GALNT13: variants seen among roughly 807,000 people sequenced by gnomAD.
GALNT13 encodes the protein UDP-GalNAc:polypeptide N-acetylgalactosaminyltransferase 13.
Under a neutral mutation model 64.2 loss-of-function variants are expected in GALNT13, and 28 were observed. The ratio of observed to expected loss-of-function variants is 0.44; its 90% CI spans 0.32 to 0.60. GALNT13 has a LOEUF of 0.60. Among genes scored for constraint, GALNT13 ranks in the 20% least tolerant of loss-of-function variants. The probability of loss-of-function intolerance (pLI) is 0.05; values close to 1 mark genes in which losing one functional copy is unlikely to be tolerated. For missense variants in GALNT13, 577 were observed against 669.8 expected (o/e 0.86, Z 1.53); for synonymous variants, 214 against 224.6 (o/e 0.95, Z 0.42).
chr2:153,279,709 C>T, the GALNT13 span, among the ~76,000 whole-genome samples: 7 of 152,024 alleles, frequency 4.6e-5, no homozygotes, highest in Non-Finnish European at 8.8e-5. Flanking sequence ...AGAATATAGC[C>T]TAGTTGCTCC....
rs867557383 is a variant in GALNT13, at chr2:154,046,941, T to A, written c.143-93396T>A. 9.4e-4 allele frequency among the ~76,000 whole-genome samples: 10 copies of A among 10,634 alleles called. No individual in the cohort carries two copies. In the South Asian group the frequency reaches 0.07, roughly 75 times the overall value. 7.0% of individuals were successfully genotyped at this position (10,634 alleles called of 152,430 possible). On this transcript the variant is annotated intron_variant, in intron 3 of 12. Transcript: ENST00000392825. ...TGTTTAGGCCACTTAGTCTGTGGGT[T>A]TTTTTTTTTATGTCTGTCATAGAAA...
the GALNT13 span, among the ~76,000 whole-genome samples, chr2:153,481,379 A>T: frequency 6.6e-6 from 1 of 152,164 alleles, no homozygotes. Flanking sequence ...GAACAATTTC[A>T]GTTTTTCTCC....
chr2:153,661,877 T>A, the GALNT13 span, among the ~76,000 whole-genome samples: 1 of 152,246 alleles, frequency 6.6e-6, no homozygotes, highest in Non-Finnish European at 1.5e-5. Context: ...AACATTTTCA[T>A]CATAAGCATG....
chr2:153,111,679 TAATTA>T, the GALNT13 span, among the ~76,000 whole-genome samples: 14,034 of 152,070 alleles, frequency 0.092, 727 homozygotes, highest in African/African-American at 0.12. Context: ...CATGAGTAAA[TAATTA>T]AATTACTCTC....
chr2:153,268,748 C>G, the GALNT13 span, among the ~76,000 whole-genome samples: 1 of 152,204 alleles, frequency 6.6e-6, no homozygotes, highest in Non-Finnish European at 1.5e-5. Context: ...TGGAAGTTCT[C>G]AAAGCTCAAC....
At chr2:154,142,297 C>A (rs147941851) in intron 4 of GALNT13, among the ~76,000 whole-genome samples, 2 of 151,854 alleles carry the variant, frequency 1.3e-5, no homozygotes, top group Non-Finnish European at 2.9e-5. Context: ...TGCCTGTAAT[C>A]CTAGCACTTT....
At chr2:153,076,526 G>A in the GALNT13 span, among the ~76,000 whole-genome samples, 1 of 152,042 alleles carries the variant, frequency 6.6e-6, no homozygotes, top group South Asian at 2.1e-4. Context: ...TCCCTCTTCA[G>A]TTGATAAGTT....
chr2:153,148,416 G>A, the GALNT13 span, among the ~76,000 whole-genome samples: 1 of 151,412 alleles, frequency 6.6e-6, no homozygotes, highest in Non-Finnish European at 1.5e-5. Context: ...TCTTTGTAGT[G>A]TGAATCAAAT....
At chr2:153,304,897 C>G in the GALNT13 span, among the ~76,000 whole-genome samples, 1 of 151,968 alleles carries the variant, frequency 6.6e-6, no homozygotes, top group Non-Finnish European at 1.5e-5. Context: ...AGATAGAAGG[C>G]ACATTAGAGG....
At chr2:153,842,936 G>C in the GALNT13 span, among the ~76,000 whole-genome samples, 1 of 152,042 alleles carries the variant, frequency 6.6e-6, no homozygotes, top group Non-Finnish European at 1.5e-5. Context: ...TGGAGAAAAA[G>C]ATAATAGTTT....
intron 3 of GALNT13, among the ~76,000 whole-genome samples, chr2:154,109,256 A>C (rs1480434078): frequency 1.3e-4 from 20 of 151,754 alleles, no homozygotes; most frequent in Admixed American, 1.3e-3. Context: ...TCCTCTCCTT[A>C]ATTATTTCTT....
chr2:154,278,393 C>T (rs1679542772), intron 8 of GALNT13, among the ~76,000 whole-genome samples: 1 of 152,038 alleles, frequency 6.6e-6, no homozygotes, highest in South Asian at 2.1e-4. Context: ...AATGGAAGCT[C>T]TTGATTCTAT....
At chr2:153,882,898 A>T (rs539236035) in intron 1 of GALNT13, among the ~76,000 whole-genome samples, 1 of 151,752 alleles carries the variant, frequency 6.6e-6, no homozygotes, top group East Asian at 1.9e-4. Context: ...ACAGACATTT[A>T]AGATATAATG....
At chr2:153,306,076 A>G in the GALNT13 span, among the ~76,000 whole-genome samples, 1 of 152,232 alleles carries the variant, frequency 6.6e-6, no homozygotes, top group African/African-American at 2.4e-5. Context: ...CATTGTAAAC[A>G]GAAGTTTAAT....
rs1481855726 is a variant in GALNT13 at position 154,101,508 on chromosome 2, T to A, written c.143-38829T>A. Among the ~76,000 whole-genome samples, 3 of 152,146 alleles carry A rather than the reference T, an allele frequency of 2.0e-5. No homozygotes were observed. The East Asian group carries it at 5.8e-4, about 29-fold the overall frequency. On this transcript the variant is annotated intron_variant, in intron 3 of 12. Transcript: ENST00000392825. ...GGTATCAACTGCACTGTTATTTTTG[T>A]CATTTTTGATTGCGCTTATTTGAAT...
At chr2:153,134,709 C>T in the GALNT13 span, among the ~76,000 whole-genome samples, 71 of 152,234 alleles carry the variant, frequency 4.7e-4, no homozygotes, top group African/African-American at 1.6e-3. Context: ...GCCTATGCTT[C>T]AATATTCCCT....
the GALNT13 span, among the ~76,000 whole-genome samples, chr2:153,132,327 C>G: frequency 3.7e-3 from 559 of 152,270 alleles, 4 homozygotes; most frequent in South Asian, 0.017. Flanking sequence ...CTCCAGGTCT[C>G]AGCTGTGGGG....
chr2:154,232,754 TG>T (rs1483818945), intron 4 of GALNT13, among the ~76,000 whole-genome samples: 1 of 151,696 alleles, frequency 6.6e-6, no homozygotes, highest in Non-Finnish European at 1.5e-5. Flanking sequence ...ATAATTAGGT[TG>T]GGTGCAGTGG....
chr2:153,691,384 T>C, the GALNT13 span, among the ~76,000 whole-genome samples: 4 of 152,160 alleles, frequency 2.6e-5, no homozygotes, highest in Non-Finnish European at 5.9e-5. Context: ...TACATGGTCA[T>C]ATTCAGTATG....
Sources: allele counts gnomAD v4.1 joint callset (sites outside exome capture counted in the v4.1 genomes callset), GRCh38; gene constraint gnomAD v4.1.1; transcripts MANE v1.5; gene names NCBI Gene and HGNC (gene_info 2026-07-23, HGNC 2026-07-21).